TRPC7: variants seen among roughly 807,000 people sequenced by gnomAD.
TRPC7 encodes the protein short transient receptor potential channel 7.
A neutral mutation model predicts 90.1 loss-of-function variants in TRPC7; 42 were observed. The observed-to-expected ratio is 0.47, with a 90% CI of 0.36 to 0.60. The LOEUF is 0.60. Among genes scored for constraint, TRPC7 ranks in the 20% least tolerant of loss-of-function variants. The probability of loss-of-function intolerance (pLI) is 0.00; values close to 1 mark genes in which losing one functional copy is unlikely to be tolerated. For synonymous variants in TRPC7, 451 were observed against 436.3 expected (o/e 1.03, Z -0.42); for missense variants, 955 against 1,112.3 (o/e 0.86, Z 2.01).
At chr5:136,343,651 A>C (rs1341547017) in intron 2 of TRPC7, among the ~76,000 whole-genome samples, 2 of 152,236 alleles carry the variant, frequency 1.3e-5, no homozygotes, top group Non-Finnish European at 1.5e-5. Flanking sequence ...CACTTCTGAA[A>C]GCATCCATGT....
chr5:136,310,492 G>A (rs887493569), intron 3 of TRPC7, among the ~76,000 whole-genome samples: 3 of 152,156 alleles, frequency 2.0e-5, no homozygotes, highest in Admixed American at 2.0e-4. Flanking sequence ...GAATAACCCA[G>A]GGAGCCTGGC....
intron 3 of TRPC7, among the ~76,000 whole-genome samples, chr5:136,285,146 T>C (rs1757669689): frequency 6.6e-6 from 1 of 152,152 alleles, no homozygotes; most frequent in South Asian, 2.1e-4. Flanking sequence ...TGAGGAGTAA[T>C]GGGTCTTGTG....
chr5:136,232,221 A>G (rs1755841754), intron 7 of TRPC7, among the ~76,000 whole-genome samples: 1 of 152,164 alleles, frequency 6.6e-6, no homozygotes, highest in African/African-American at 2.4e-5. Context: ...TCTTCCTTCC[A>G]TTAAGCCCTA....
At position 136,247,594 on chromosome 5, in the gene TRPC7, C is replaced by T. The variant is rs1402401994; in HGVS notation, c.1721G>A (p.Arg574Lys). ...SFGPLQISLG[R>K]TVKDIFKFMV... ...GAACTTGAAGATATCTTTCACAGTT[C>T]TCCCTAGCGAGATCTGCAGGGGCCC... The change falls in exon 7 of 12, where the codon AGA (arginine) becomes AAA (lysine). Residue 574 changes from arginine (R) to lysine (K), a missense_variant. Physicochemically the swap from Arg to Lys is conservative, Grantham distance 26. This residue lies in a region of TRPC7 where 296 missense variants were observed against 422.7 expected (regional missense o/e 0.70). Coordinates refer to ENST00000513104, the MANE Select transcript of TRPC7 (RefSeq NM_020389.3). This position sits in a 1 kb window ranked among gnomAD's most constrained non-coding sequence, Gnocchi z 4.2. 5 of 1,613,872 alleles carry T rather than the reference C, an allele frequency of 3.1e-6. No individual in the cohort carries two copies. Among genetic ancestry groups the T allele is most frequent in the Non-Finnish European group, 4.2e-6 (5 of 1,179,900 alleles).
chr5:136,231,229 G>A (rs1367207099), intron 8 of TRPC7, 125 bp downstream of exon 8: 3 of 872,714 alleles, frequency 3.4e-6, no homozygotes, highest in Non-Finnish European at 5.1e-6. Context: ...AAGAATGCCT[G>A]TTCTTTGCTG....
At chr5:136,330,523 G>A (rs1036834108) in intron 2 of TRPC7, among the ~76,000 whole-genome samples, 1 of 152,220 alleles carries the variant, frequency 6.6e-6, no homozygotes, top group Non-Finnish European at 1.5e-5. Flanking sequence ...TGCCCTTGTA[G>A]TGCTCTAAAA....
intron 2 of TRPC7, among the ~76,000 whole-genome samples, chr5:136,341,741 G>A (rs1759854274): frequency 6.6e-6 from 1 of 152,114 alleles, no homozygotes. Flanking sequence ...GTAATTCAAG[G>A]AGAAACCAAA....
chr5:136,298,262 G>A (rs546114018), intron 3 of TRPC7, among the ~76,000 whole-genome samples: 21 of 152,266 alleles, frequency 1.4e-4, no homozygotes, highest in South Asian at 4.1e-4. Context: ...AGAGACCTGA[G>A]GGAAAGGGAT....
At chr5:136,296,674 G>C (rs866927561) in intron 3 of TRPC7, among the ~76,000 whole-genome samples, 1 of 152,150 alleles carries the variant, frequency 6.6e-6, no homozygotes, top group Non-Finnish European at 1.5e-5. Context: ...GTAAATACAT[G>C]TCTGCAAATG....
At chr5:136,292,697 C>A (rs1403324793) in intron 3 of TRPC7, among the ~76,000 whole-genome samples, 1 of 152,120 alleles carries the variant, frequency 6.6e-6, no homozygotes, top group South Asian at 2.1e-4. Flanking sequence ...GGATTCACAG[C>A]CGAATTCTAC....
At chr5:136,289,639 G>A (rs112304687) in intron 3 of TRPC7, among the ~76,000 whole-genome samples, 31 of 152,354 alleles carry the variant, frequency 2.0e-4, no homozygotes, top group African/African-American at 2.4e-4. Flanking sequence ...TAAACAAAGC[G>A]GCCGGGAAGC....
intron 11 of TRPC7, among the ~76,000 whole-genome samples, chr5:136,215,117 G>C (rs1351697773): frequency 6.6e-6 from 1 of 152,138 alleles, no homozygotes; most frequent in Non-Finnish European, 1.5e-5. Context: ...TTCTGAGGTG[G>C]GGAACACTTT....
chr5:136,264,585 T>G (rs1042916842), intron 5 of TRPC7, among the ~76,000 whole-genome samples: 5 of 144,200 alleles, frequency 3.5e-5, no homozygotes, highest in Admixed American at 6.9e-5. Flanking sequence ...AGGGTTGCTG[T>G]TTTTTTTTTT....
At chr5:136,356,580 C>A in intron 2 of TRPC7, 28 bp downstream of exon 2, 4 of 1,507,990 alleles carry the variant, frequency 2.7e-6, no homozygotes, top group Non-Finnish European at 3.5e-6. Context: ...GGGCAACCTG[C>A]CTGCAGGGTG....
At chr5:136,315,563 A>T in intron 3 of TRPC7, 34 bp downstream of exon 3, 3 of 1,607,630 alleles carry the variant, frequency 1.9e-6, no homozygotes, top group Non-Finnish European at 2.6e-6. Context: ...AAGAGAGGTG[A>T]GATGGGAAGA....
At chr5:136,361,202 G>T (rs1318487776) in intron 1 of TRPC7, among the ~76,000 whole-genome samples, 1 of 152,036 alleles carries the variant, frequency 6.6e-6, no homozygotes, top group Non-Finnish European at 1.5e-5. Context: ...CCTTATTTTA[G>T]TATTTTTCTT....
intron 3 of TRPC7, among the ~76,000 whole-genome samples, chr5:136,276,742 C>T (rs1162816558): frequency 6.6e-6 from 1 of 152,190 alleles, no homozygotes; most frequent in Non-Finnish European, 1.5e-5. Context: ...AGGGAGGAAC[C>T]CCCAGGCTGC....
chr5:136,305,249 T>A (rs922020282), intron 3 of TRPC7, among the ~76,000 whole-genome samples: 1 of 152,076 alleles, frequency 6.6e-6, no homozygotes, highest in Non-Finnish European at 1.5e-5. Context: ...TTTCCCCATA[T>A]TTCCTTCTTT....
intron 3 of TRPC7, among the ~76,000 whole-genome samples, chr5:136,289,530 G>A (rs934744280): frequency 5.3e-5 from 8 of 152,362 alleles, no homozygotes; most frequent in South Asian, 2.1e-4. Flanking sequence ...CTATGCCCAC[G>A]GAGCCTTGCT....
Sources: gnomAD v4.1 joint callset for allele counts (sites outside exome capture counted in the v4.1 genomes callset) on GRCh38, gnomAD v4.1.1 for gene constraint, gnomAD v4.1.1 regional missense constraint, Gnocchi (gnomAD v3.1) non-coding constraint, MANE v1.5 for transcripts, NCBI Gene and HGNC (gene_info 2026-07-23, HGNC 2026-07-21) for gene names.